Variants in USP24 observed in about 807,000 individuals in gnomAD.
The protein encoded by USP24 is ubiquitin specific peptidase 24.
USP24 carries 97 observed loss-of-function variants against 361.6 expected under a neutral mutation model. The observed-to-expected ratio is 0.27, with a 90% confidence interval of 0.23 to 0.32. The LOEUF (loss-of-function observed/expected upper bound fraction) is 0.32. USP24 is among the 10% of genes least tolerant of loss of function. The pLI is 1.00. For missense variants in USP24, 2,353 were observed against 3,165.6 expected, an observed-to-expected ratio of 0.74 and a Z score of 6.16; for synonymous variants, 1,098 against 1,124.6, an observed-to-expected ratio of 0.98 and a Z score of 0.47.
At chr1:55,105,839 T>G (rs1208404343) in intron 41 of USP24, among the ~76,000 whole-genome samples, 1 of 152,218 alleles carries the variant, frequency 6.6e-6, no homozygotes, top group Non-Finnish European at 1.5e-5. Flanking sequence ...CCTATTTACT[T>G]GTACTTTCGA....
At chr1:55,138,810 C>T in intron 25 of USP24, 92 bp from the exon 26 acceptor site, 1 of 1,314,098 alleles carries the variant, frequency 7.6e-7, no homozygotes, top group Non-Finnish European at 1.1e-6. Flanking sequence ...AATGAAGATG[C>T]TTTTTTAAGA....
rs977753405 is a variant in USP24, at chr1:55,141,738, A to C, written c.2635-7T>G. 2 of 1,593,412 alleles carry C rather than the reference A, an allele frequency of 1.3e-6. No individual in the cohort carries two copies. The highest frequency in any genetic ancestry group is 3.5e-5 in the Admixed American group (2 of 56,998). On this transcript the variant is annotated splice_region_variant and splice_polypyrimidine_tract_variant and intron_variant, in intron 23 of 67. Transcript: ENST00000294383. Reference sequence around the variant, plus strand: ...CAAGTGCTGAACTGGCTGCCTAAAAAATACCAAACAGTCATTCTCTATCAG... The same window carrying C: ...CAAGTGCTGAACTGGCTGCCTAAAACATACCAAACAGTCATTCTCTATCAG...
intron 38 of USP24, 37 bp from the exon 39 acceptor site, chr1:55,110,283 C>T (rs1384793012): frequency 3.4e-6 from 5 of 1,460,234 alleles, no homozygotes; most frequent in Non-Finnish European, 4.6e-6. Context: ...TAATAAGAGG[C>T]TGATTTGAAA....
intron 52 of USP24, 56 bp downstream of exon 52, chr1:55,093,881 T>TA (rs1645436128): frequency 1.2e-6 from 2 of 1,603,904 alleles, no homozygotes; most frequent in Non-Finnish European, 1.7e-6. Flanking sequence ...ACCTACTAGA[T>TA]ACATTTTGAT....
At chr1:55,074,933 T>G (rs186399317) in intron 63 of USP24, among the ~76,000 whole-genome samples, 108 of 152,292 alleles carry the variant, frequency 7.1e-4, no homozygotes, top group African/African-American at 2.6e-3. Flanking sequence ...GCTAAAATTA[T>G]TCTTAACTAA....
At chr1:55,212,532 G>A (rs1644870988) in intron 1 of USP24, among the ~76,000 whole-genome samples, 1 of 152,132 alleles carries the variant, frequency 6.6e-6, no homozygotes, top group Non-Finnish European at 1.5e-5. Context: ...GTAGATGCTG[G>A]ATAATATTTA....
chr1:55,075,095 G>A lies in USP24; in HGVS notation c.7447+362C>T, dbSNP rs77632368. On this transcript the variant is annotated intron_variant, in intron 63 of 67. Coordinates refer to ENST00000294383, the MANE Select transcript of USP24 (RefSeq NM_015306.3). Reference sequence around the variant, plus strand: ...TTTCATGAGCCTGACAACATCCTGCGTCTCAGGTTTTGGTTTTTCTCTCCC... The same window carrying A: ...TTTCATGAGCCTGACAACATCCTGCATCTCAGGTTTTGGTTTTTCTCTCCC... Among the ~76,000 whole-genome samples the A allele has an allele frequency of 9.2e-5, 14 of 152,116 alleles. No individual in the cohort carries two copies. The East Asian group carries it at 1.5e-3, about 17-fold the overall frequency.
intron 31 of USP24, among the ~76,000 whole-genome samples, chr1:55,131,696 T>C (rs1646595979): frequency 6.6e-6 from 1 of 152,164 alleles, no homozygotes; most frequent in Admixed American, 6.5e-5. Context: ...CCCAATCAGA[T>C]TGTCACATGA....
chr1:55,190,272 G>GT (rs1644252470), intron 1 of USP24, among the ~76,000 whole-genome samples: 1 of 152,008 alleles, frequency 6.6e-6, no homozygotes, highest in African/African-American at 2.4e-5. Flanking sequence ...TCTTAAAACT[G>GT]GAAGCAACAG....
At chr1:55,112,860 G>A (rs556107406) in intron 38 of USP24, among the ~76,000 whole-genome samples, 17 of 152,202 alleles carry the variant, frequency 1.1e-4, no homozygotes, top group East Asian at 9.6e-4. Flanking sequence ...TATTGACAGC[G>A]GAGTGTTAAA....
intron 1 of USP24, among the ~76,000 whole-genome samples, chr1:55,194,104 G>C (rs1644357901): frequency 6.6e-6 from 1 of 152,206 alleles, no homozygotes; most frequent in Non-Finnish European, 1.5e-5. Flanking sequence ...GGGGAGGTAA[G>C]AGAGGACTAT....
At chr1:55,167,466 T>A (rs74953732) in intron 5 of USP24, among the ~76,000 whole-genome samples, 2 of 152,100 alleles carry the variant, frequency 1.3e-5, no homozygotes, top group African/African-American at 4.8e-5. Flanking sequence ...GCAAAGAATG[T>A]AGATCATGGA....
chr1:55,161,020 T>C (rs1400759931), intron 8 of USP24, among the ~76,000 whole-genome samples: 1 of 152,122 alleles, frequency 6.6e-6, no homozygotes, highest in Non-Finnish European at 1.5e-5. Flanking sequence ...GCCATCCTAT[T>C]TCACCTAAAA....
chr1:55,124,349 C>T, intron 35 of USP24, 120 bp downstream of exon 35: 1 of 1,205,380 alleles, frequency 8.3e-7, no homozygotes. Flanking sequence ...AATTTTTACT[C>T]ATGCTCACAA....
At chr1:55,145,181 C>T (rs950251272) in intron 20 of USP24, among the ~76,000 whole-genome samples, 1 of 152,142 alleles carries the variant, frequency 6.6e-6, no homozygotes, top group African/African-American at 2.4e-5. Flanking sequence ...AATGCAAACT[C>T]GTACCCACTG....
In USP24 at chr1:55,077,070, C is replaced by G. The variant is rs555162323; in HGVS notation, c.7380+165G>C. On this transcript the variant is annotated intron_variant, in intron 62 of 67. Transcript: ENST00000294383. ...GAGGTAGTTTTATTACTGCTCGCCT[C>G]TAAACCAAATGCATTAGACACATGA... Among the ~76,000 whole-genome samples the G allele has an allele frequency of 8.5e-4, 129 of 152,248 alleles. 1 individual carries two copies. Among genetic ancestry groups the G allele is most frequent in the African/African-American group, 2.9e-3 (121 of 41,544 alleles).
intron 20 of USP24, 60 bp from the exon 21 acceptor site, chr1:55,144,263 A>C (rs1646970329): frequency 1.7e-6 from 2 of 1,149,954 alleles, no homozygotes; most frequent in South Asian, 3.4e-5. Context: ...TAATCAATGA[A>C]AAGACTCAAA....
intron 1 of USP24, among the ~76,000 whole-genome samples, chr1:55,198,289 C>A (rs190513063): frequency 6.6e-6 from 1 of 152,162 alleles, no homozygotes; most frequent in East Asian, 1.9e-4. Context: ...GCCTATATTT[C>A]TCATTTTAGA....
chr1:55,186,161 G>T (rs916620007), intron 1 of USP24, among the ~76,000 whole-genome samples: 3 of 152,116 alleles, frequency 2.0e-5, no homozygotes, highest in African/African-American at 7.2e-5. Context: ...CCAAAAAATA[G>T]AAAAGCAAGG....
Sources: gnomAD v4.1 joint callset for allele counts (sites outside exome capture counted in the v4.1 genomes callset) on GRCh38, gnomAD v4.1.1 for gene constraint, MANE v1.5 for transcripts, NCBI Gene and HGNC (gene_info 2026-07-23, HGNC 2026-07-21) for gene names.